The following ZNF318 variants were observed in gnomAD, a reference collection of about 807,000 sequenced individuals.
The protein encoded by ZNF318 is zinc finger protein 318.
A neutral mutation model predicts 124.2 loss-of-function variants in ZNF318; 51 were observed. That is an observed-to-expected ratio of 0.41 (90% CI 0.33 to 0.52). The LOEUF is 0.52. ZNF318 is among the 20% of genes least tolerant of loss of function. The probability of loss-of-function intolerance (pLI) is 0.23; values close to 1 mark genes in which losing one functional copy is unlikely to be tolerated. For missense variants in ZNF318, 2,815 were observed against 2,811.2 expected, an observed-to-expected ratio of 1.00 and a Z score of -0.03; for synonymous variants, 1,090 against 1,040.7, an observed-to-expected ratio of 1.05 and a Z score of -0.91.
Position 43,357,685 on chromosome 6 carries a change from T to C in ZNF318, c.629A>G (p.Glu210Gly). The change falls in exon 3 of 10, where the codon GAA (glutamate) becomes GGA (glycine). Residue 210 changes from glutamate (E) to glycine (G), a missense_variant. Glu to Gly is a moderately conservative substitution (Grantham distance 98). Transcript: ENST00000361428. ...TCCCAAGAAGGGACTGAGAGGCCCT[T>C]CCTCCTGGGAAATATATCGCTCAAG... Reference protein sequence around the residue: ...RGLERYISQEEGPLSPFLGQL... With the variant: ...RGLERYISQEGGPLSPFLGQL... 6.2e-7 allele frequency: 1 copy of C among 1,612,956 alleles called. No individual in the cohort carries two copies. The highest frequency in any genetic ancestry group is 8.5e-7 in the Non-Finnish European group (1 of 1,179,994).
In ZNF318 at chr6:43,339,546, C is replaced by A; in HGVS notation, c.4452G>T (p.Gln1484His). 5.6e-6 allele frequency: 9 copies of A among 1,612,138 alleles called. No individual in the cohort carries two copies. The highest frequency in any genetic ancestry group is 7.6e-6 in the Non-Finnish European group (9 of 1,179,866). ...GACCCACGAAGCCAGGGCTGAGAGT[C>A]TGAGATACAACTGGGTTTGATTTTA... ...APVKSNPVVSQTLSPGFVGPN... is the reference protein window; with the variant it reads ...APVKSNPVVSHTLSPGFVGPN... Residue 1484 changes from glutamine (Q) to histidine (H), a missense_variant, in exon 10 of 10, where the codon CAG (glutamine) becomes CAT (histidine). Gln to His is a conservative substitution (Grantham distance 24). Coordinates refer to ENST00000361428, the MANE Select transcript of ZNF318 (RefSeq NM_014345.3). The surrounding 1 kb of genome is among the most constrained non-coding windows in gnomAD (Gnocchi z 4.2).
chr6:43,340,492 T>C lies in ZNF318; in HGVS notation c.3506A>G (p.Asp1169Gly). ...CCGCTCCTCATATAATGGGTTTTCA[T>C]CCACATATTTCTGGGAAGAAAAAAG... ...QHNEKYKKYV[D>G]ENPLYEERRN... Residue 1169 changes from aspartate to glycine, a missense_variant, in exon 10 of 10, where the codon GAT becomes GGT. Asp to Gly is a moderately conservative substitution (Grantham distance 94). Coordinates refer to ENST00000361428, the MANE Select transcript of ZNF318 (RefSeq NM_014345.3). The C allele has an allele frequency of 6.3e-7, 1 of 1,579,454 alleles. No individual in the cohort carries two copies. The highest frequency in any genetic ancestry group is 8.6e-7 in the Non-Finnish European group (1 of 1,168,364).
Position 43,336,496 on chromosome 6 carries a change from A to G in ZNF318, c.*662T>C, listed in dbSNP as rs904841399. Reference sequence around the variant, plus strand: ...TATTCTTCCATGTTTATTTCCAAACAGGTTTGTGGGTTAGCAGGACAATGC... The same window carrying G: ...TATTCTTCCATGTTTATTTCCAAACGGGTTTGTGGGTTAGCAGGACAATGC... On this transcript the variant is annotated 3_prime_UTR_variant, in exon 10 of 10. Coordinates refer to ENST00000361428, the MANE Select transcript of ZNF318 (RefSeq NM_014345.3). 2.0e-5 allele frequency: 3 copies of G among 152,228 alleles called. No individual in the cohort carries two copies. The highest frequency in any genetic ancestry group is 7.2e-5 in the African/African-American group (3 of 41,448). The allele number at this position is 152,228 out of a possible 1,614,324, so 9.4% of individuals were successfully genotyped here.
chr6:43,359,202 T>C (rs1307289875), intron 2 of ZNF318, among the ~76,000 whole-genome samples: 3 of 152,222 alleles, frequency 2.0e-5, no homozygotes, highest in African/African-American at 7.2e-5. Flanking sequence ...TTGCCTTCTC[T>C]GGATATCTAC....
intron 6 of ZNF318, among the ~76,000 whole-genome samples, chr6:43,344,524 C>T (rs1779412691): frequency 1.3e-5 from 2 of 152,316 alleles, no homozygotes; most frequent in East Asian, 1.9e-4. Flanking sequence ...ATAAAATACA[C>T]TTGAATAATC....
Position 43,356,071 on chromosome 6 carries a change from TAGTGGA to T in ZNF318, c.1257_1262del (p.Pro420_Leu421del). ...AGGCAAAAGCAGCAATAGCACCACT[TAGTGGA>T]AGGGATGGGTGCCCAGAGTAGAGAG... is the stretch of plus-strand genomic sequence containing the variant. On this transcript the variant is annotated inframe_deletion, in exon 4 of 10. Transcript: ENST00000361428. 1 of 1,614,154 alleles carries T rather than the reference TAGTGGA, an allele frequency of 6.2e-7. No homozygotes were observed. The highest frequency in any genetic ancestry group is 8.5e-7 in the Non-Finnish European group (1 of 1,180,010).
In ZNF318 at chr6:43,354,653, C is replaced by T; in HGVS notation, c.2670+11G>A. 1.3e-6 allele frequency: 2 copies of T among 1,583,524 alleles called. No individual in the cohort carries two copies. The highest frequency in any genetic ancestry group is 2.3e-5 in the South Asian group (2 of 88,050). On this transcript the variant is annotated intron_variant, in intron 4 of 9. Coordinates refer to ENST00000361428, the MANE Select transcript of ZNF318 (RefSeq NM_014345.3). ...AAACTCAGGCACAGGATACCCAAAG[C>T]TAATATTCACCTTTTGCTTCTGGGA...
chr6:43,357,376 G>A lies in ZNF318; in HGVS notation c.938C>T (p.Pro313Leu). ...GGCAAGATCCAGTTCTCGAAACTCA[G>A]GGTCGAGAAACCTAGGACTTGGGCT... ...RRSPSPRFLDPEFRELDLARR... is the reference protein window; with the variant it reads ...RRSPSPRFLDLEFRELDLARR... Residue 313 changes from proline to leucine, a missense_variant, in exon 3 of 10, where the codon CCT becomes CTT. Pro to Leu is a moderately conservative substitution (Grantham distance 98, BLOSUM62 -3). Around this residue, in one of 4 missense-constraint regions of ZNF318, gnomAD observed 1,377 missense variants for 1,353.5 expected, o/e 1.02. Coordinates refer to ENST00000361428, the MANE Select transcript of ZNF318 (RefSeq NM_014345.3). The A allele has an allele frequency of 1.9e-6, 3 of 1,614,152 alleles. No homozygotes were observed. Among genetic ancestry groups the A allele is most frequent in the Non-Finnish European group, 2.5e-6 (3 of 1,180,030 alleles).
Position 43,365,380 on chromosome 6 carries a change from T to C in ZNF318, c.460A>G (p.Asn154Asp). 6.2e-7 allele frequency: 1 copy of C among 1,614,182 alleles called. No individual in the cohort carries two copies. Among genetic ancestry groups the C allele is most frequent in the Non-Finnish European group, 8.5e-7 (1 of 1,180,028 alleles). The change falls in exon 2 of 10, where the codon AAT becomes GAT. Residue 154 changes from asparagine to aspartate, a missense_variant. This residue lies in a region of ZNF318 where 1,377 missense variants were observed against 1,353.5 expected (regional missense o/e 1.02). Transcript: ENST00000361428. The stretch of plus-strand genomic sequence containing the variant: ...GGTGTGCTAACACAGAAGTGGTCAT[T>C]GCCAACAGTGATCCTTAAGCTCTTT... The part of the protein sequence containing the change: ...LEKSLRITVG[N>D]DHFCVSTPER...
At chr6:43,366,029 C>A (rs1378984434) in intron 1 of ZNF318, among the ~76,000 whole-genome samples, 1 of 151,484 alleles carries the variant, frequency 6.6e-6, no homozygotes, top group African/African-American at 2.4e-5. Context: ...GGAGGTAAGC[C>A]AAAAACAAGT....
chr6:43,368,917 G>A, intron 1 of ZNF318, 50 bp downstream of exon 1: 2 of 1,308,958 alleles, frequency 1.5e-6, no homozygotes, highest in South Asian at 2.0e-5. Flanking sequence ...GGGAATTCCG[G>A]GGGAGGGGAC....
rs571458976 is a variant in ZNF318 at position 43,342,851 on chromosome 6, C to T, written c.3101G>A (p.Arg1034His). Residue 1034 changes from arginine (R) to histidine (H), a missense_variant, in exon 7 of 10, where the codon CGT becomes CAT. Coordinates refer to ENST00000361428, the MANE Select transcript of ZNF318 (RefSeq NM_014345.3). ...TTCGGCAGGCTTGGGGCTCTTAGTA[C>T]GAAACTTCTCATTGTTTACTTTTGA... ...KESKVNNEKF[R>H]TKSPKPAESP... The T allele has an allele frequency of 1.9e-6, 3 of 1,612,404 alleles. No homozygotes were observed. The highest frequency in any genetic ancestry group is 1.7e-5 in the Admixed American group (1 of 59,908).
rs2150748362 is a variant in ZNF318 at position 43,338,842 on chromosome 6, A to G, written c.5156T>C (p.Leu1719Pro). The stretch of plus-strand genomic sequence containing the variant: ...AGGTGGTCCTGGCTCTCCCAGGTCA[A>G]GCTCACTCTTCTCTGGAGATATATC... ...SRDISPEKSE[L>P]DLGEPGPPGV... The change falls in exon 10 of 10, where the codon CTT becomes CCT. Residue 1719 changes from leucine to proline, a missense_variant. This residue lies in a region of ZNF318 where 927 missense variants were observed against 820.6 expected (regional missense o/e 1.13). Transcript: ENST00000361428. The G allele has an allele frequency of 2.5e-6, 4 of 1,614,184 alleles. No individual in the cohort carries two copies. Among genetic ancestry groups the G allele is most frequent in the Non-Finnish European group, 3.4e-6 (4 of 1,180,038 alleles).
intron 4 of ZNF318, among the ~76,000 whole-genome samples, chr6:43,353,036 G>GA (rs1382000281): frequency 6.6e-6 from 1 of 152,048 alleles, no homozygotes; most frequent in Non-Finnish European, 1.5e-5. Flanking sequence ...ACTACCTAAT[G>GA]AAAAAAAGCA....
At chr6:43,359,820 T>C (rs914029540) in intron 2 of ZNF318, among the ~76,000 whole-genome samples, 6 of 152,198 alleles carry the variant, frequency 3.9e-5, no homozygotes, top group African/African-American at 1.2e-4. Context: ...CAGGTTTCTG[T>C]TACCCACCTT....
intron 6 of ZNF318, among the ~76,000 whole-genome samples, chr6:43,345,337 A>G (rs1779425340): frequency 6.6e-6 from 1 of 152,098 alleles, no homozygotes; most frequent in Non-Finnish European, 1.5e-5. Context: ...ACAGAAAGGG[A>G]AAGAAAATCT....
At chr6:43,346,726 G>A (rs1157120665) in intron 6 of ZNF318, among the ~76,000 whole-genome samples, 1 of 152,058 alleles carries the variant, frequency 6.6e-6, no homozygotes. Flanking sequence ...GAGTGGGGTT[G>A]GGAGAAAGAT....
Position 43,338,519 on chromosome 6 carries a change from T to C in ZNF318, c.5479A>G (p.Asn1827Asp). 1 of 1,614,210 alleles carries C rather than the reference T, an allele frequency of 6.2e-7. No individual in the cohort carries two copies. Residue 1827 changes from asparagine (N) to aspartate (D), a missense_variant, in exon 10 of 10, where the codon AAC becomes GAC. By Grantham distance (23) the Asn-to-Asp change is conservative. This residue lies in a region of ZNF318 where 927 missense variants were observed against 820.6 expected (regional missense o/e 1.13). Transcript: ENST00000361428. ...YMWEGEVKQPNLLMIDKEAEQ... is the reference protein window; with the variant it reads ...YMWEGEVKQPDLLMIDKEAEQ... ...GCCTCTTTGTCAATCATTAGCAAGT[T>C]GGGCTGTTTTACTTCTCCCTCCCAC...
chr6:43,348,422 A>C lies in ZNF318; in HGVS notation c.2974T>G (p.Leu992Val), dbSNP rs1779478431. ...INIFDKSQKS[L>V]SDSREPTEKP... ...TCTGTAGGCTCTCTACTGTCACTTA[A>C]AGACTTCTGGGATTTATCGAAGATG... The change falls in exon 6 of 10, where the codon TTA becomes GTA. Residue 992 changes from leucine (L) to valine (V), a missense_variant. This residue lies in a region of ZNF318 where 1,377 missense variants were observed against 1,353.5 expected (regional missense o/e 1.02). Transcript: ENST00000361428. 1 of 1,614,004 alleles carries C rather than the reference A, an allele frequency of 6.2e-7. No homozygotes were observed. The highest frequency in any genetic ancestry group is 8.5e-7 in the Non-Finnish European group (1 of 1,180,024).
Sources: gnomAD v4.1 joint callset for allele counts (sites outside exome capture counted in the v4.1 genomes callset) on GRCh38, gnomAD v4.1.1 for gene constraint, gnomAD v4.1.1 regional missense constraint, Gnocchi (gnomAD v3.1) non-coding constraint, MANE v1.5 for transcripts, NCBI Gene and HGNC (gene_info 2026-07-23, HGNC 2026-07-21) for gene names.